Variants in ARSL observed in about 807,000 individuals in gnomAD.
ARSL encodes arylsulfatase L.
ARSL carries 4 observed loss-of-function variants against 31.1 expected under a neutral mutation model. The observed-to-expected ratio is 0.13, with a 90% CI of 0.06 to 0.29. The LOEUF is 0.29. Among genes scored for constraint, ARSL ranks in the 10% least tolerant of loss-of-function variants. The pLI is 1.00. For synonymous variants in ARSL, 198 were observed against 209.9 expected (o/e 0.94, Z 0.49); for missense variants, 312 against 497.8 (o/e 0.63, Z 3.55).
chrX:2,966,075 G>A (rs187837726), upstream of ARSL, among the ~76,000 whole-genome samples: 24 of 111,754 alleles, frequency 2.1e-4, no homozygotes, highest in African/African-American at 7.5e-4. Flanking sequence ...CTGTCTCTTC[G>A]CAACTTCATA....
Position 2,938,115 on chromosome X carries a change from G to A in ARSL, c.1269C>T (p.Gly423=), listed in dbSNP as rs201122295. 1.3e-5 allele frequency: 16 copies of A among 1,211,608 alleles called. No homozygotes were observed. The highest frequency in any genetic ancestry group is 2.2e-5 in the Admixed American group (1 of 46,071). ...DVFPTVVRLA[G]GEVPQDRVID... is the part of the protein sequence containing the mutation. ...TGTACCTGTCCTGGGGCACCTCGCC[G>A]CCCGCCAGCCGGACCACGGTGGGGA... The change falls in exon 9 of 11, where the codon GGC becomes GGT. Residue 423 remains glycine, a synonymous_variant. Coordinates refer to ENST00000381134, the MANE Select transcript of ARSL (RefSeq NM_000047.3).
At chrX:2,957,766 T>C (rs894076794) in intron 3 of ARSL, among the ~76,000 whole-genome samples, 6 of 106,762 alleles carry the variant, frequency 5.6e-5, no homozygotes, top group Admixed American at 1.0e-4. Context: ...ACATCTGCAA[T>C]ACCAGCACTT....
Position 2,964,270 on chromosome X carries a change from G to T in ARSL, c.-67C>A, listed in dbSNP as rs1447049186. ...TGAATCCCCGATCAAGAAGAGGAAG[G>T]TTCTCTCCCAAAGGAAGCAAGCGTG... On this transcript the variant is annotated 5_prime_UTR_variant, in exon 1 of 11. Transcript: ENST00000381134. 2 of 752,318 alleles carry T rather than the reference G, an allele frequency of 2.7e-6. No individual in the cohort carries two copies. The highest frequency in any genetic ancestry group is 3.1e-6 in the Non-Finnish European group (2 of 639,087). The allele number at this position is 752,318 out of a possible 1,213,427, so 62.0% of individuals were successfully genotyped here. A position where few individuals can be genotyped will look rare whatever the true frequency, so the allele number is the denominator to read the frequency against.
intron 8 of ARSL, 37 bp from the exon 9 acceptor site, chrX:2,938,294 A>G: frequency 8.3e-7 from 1 of 1,201,393 alleles, no homozygotes; most frequent in Non-Finnish European, 1.1e-6. Flanking sequence ...GTGGTTAAAA[A>G]CCAGAAATAG....
At chrX:2,960,595 G>C in intron 1 of ARSL, 175 bp from the exon 2 acceptor site, 1 of 462,267 alleles carries the variant, frequency 2.2e-6, no homozygotes, top group Admixed American at 3.8e-5. Context: ...CGAGTGAAAA[G>C]GCTTCAAAAA....
At chrX:2,947,865 G>A (rs2147375278) in intron 6 of ARSL, among the ~76,000 whole-genome samples, 1 of 113,438 alleles carries the variant, frequency 8.8e-6, no homozygotes, top group East Asian at 2.8e-4. Context: ...GCTCACGCCT[G>A]TAATCCCAGC....
intron 8 of ARSL, among the ~76,000 whole-genome samples, chrX:2,941,080 T>C (rs1234698555): frequency 9.0e-6 from 1 of 110,896 alleles, no homozygotes; most frequent in Non-Finnish European, 1.9e-5. Context: ...TGAGAGGCTG[T>C]TTCAGGCCGT....
At chrX:2,959,734 C>G (rs2089577912) in intron 2 of ARSL, 5 of 1,134,811 alleles carry the variant, frequency 4.4e-6, no homozygotes, top group Non-Finnish European at 5.8e-6. Context: ...AAATCACTAT[C>G]AGTGCATTCT....
At chrX:2,951,171 TTGTTTTGCAGTGCAATGATG>T (rs1163715620) in intron 5 of ARSL, among the ~76,000 whole-genome samples, 4 of 111,982 alleles carry the variant, frequency 3.6e-5, no homozygotes, top group African/African-American at 1.3e-4. Flanking sequence ...CTATTGCACC[TTGTTTTGCAGTGCAATGATG>T]AAGGCCGGAA....
intron 6 of ARSL, among the ~76,000 whole-genome samples, chrX:2,948,843 C>T (rs1182528654): frequency 9.0e-6 from 1 of 111,130 alleles, no homozygotes; most frequent in Admixed American, 9.6e-5. Context: ...GCTCCACTGA[C>T]CCTCATCTAT....
At chrX:2,937,160 G>A (rs190799773) in intron 9 of ARSL, among the ~76,000 whole-genome samples, 61 of 111,609 alleles carry the variant, frequency 5.5e-4, no homozygotes, top group African/African-American at 1.7e-3. Flanking sequence ...TTGGGAGGTC[G>A]AGGCGGGTGG....
At chrX:2,944,663 G>A (rs998693470) in intron 7 of ARSL, among the ~76,000 whole-genome samples, 3 of 108,963 alleles carry the variant, frequency 2.8e-5, no homozygotes, top group South Asian at 4.0e-4. Flanking sequence ...TAAACCCTGC[G>A]GTTCCTAAGT....
chrX:2,946,070 T>C lies in ARSL; in HGVS notation c.919A>G (p.Met307Val). 8.3e-7 allele frequency: 1 copy of C among 1,209,686 alleles called. No individual in the cohort carries two copies. Among genetic ancestry groups the C allele is most frequent in the Non-Finnish European group, 1.1e-6 (1 of 894,195 alleles). The change falls in exon 7 of 11, where the codon ATG becomes GTG. Residue 307 changes from methionine (M) to valine (V), a missense_variant. Met to Val is a conservative substitution (Grantham distance 21). Transcript: ENST00000381134. ...AGACTCTTCCCGAGGAAGTTCTCCA[T>C]AGTGATAAGAGGGATGTGAACGTGT... The part of the protein sequence containing the change: ...FLHVHIPLIT[M>V]ENFLGKSLHG...
At chrX:2,964,635 A>C (rs2089682641), upstream of ARSL, 1 of 171,339 alleles carries the variant, frequency 5.8e-6, no homozygotes, top group South Asian at 2.7e-4. Flanking sequence ...TAGGTTTTTA[A>C]GTGATTGCCT....
intron 4 of ARSL, among the ~76,000 whole-genome samples, chrX:2,954,956 T>C (rs2089506282): frequency 8.9e-6 from 1 of 111,968 alleles, no homozygotes; most frequent in Admixed American, 9.5e-5. Context: ...GCAGGGGCTG[T>C]CCCTAGAAAG....
intron 6 of ARSL, among the ~76,000 whole-genome samples, chrX:2,947,124 C>T (rs148729662): frequency 0.015 from 1,701 of 110,307 alleles, 29 homozygotes; most frequent in African/African-American, 0.051. Flanking sequence ...GAGGAGGTTG[C>T]GGTGAGCTGA....
intron 3 of ARSL, among the ~76,000 whole-genome samples, 156 bp from the exon 4 acceptor site, chrX:2,955,693 T>A (rs1052327503): frequency 8.9e-6 from 1 of 112,458 alleles, no homozygotes; most frequent in Admixed American, 9.5e-5. Flanking sequence ...AGATTTCTAA[T>A]GTCTTCTGAA....
intron 8 of ARSL, among the ~76,000 whole-genome samples, chrX:2,939,038 T>C (rs969683552): frequency 3.6e-5 from 4 of 111,044 alleles, no homozygotes; most frequent in Non-Finnish European, 7.5e-5. Context: ...GATTGCACTT[T>C]AGTCCTCCTG....
intron 1 of ARSL, among the ~76,000 whole-genome samples, chrX:2,962,215 G>C (rs983199483): frequency 9.0e-6 from 1 of 111,536 alleles, no homozygotes; most frequent in Non-Finnish European, 1.9e-5. Context: ...ACGTTCTTGG[G>C]TCCTCCTGAG....
Sources: allele counts gnomAD v4.1 joint callset (sites outside exome capture counted in the v4.1 genomes callset), GRCh38; gene constraint gnomAD v4.1.1; transcripts MANE v1.5; gene names NCBI Gene and HGNC (gene_info 2026-07-23, HGNC 2026-07-21).